The following OCEL1 variants were observed in gnomAD, a reference collection of about 807,000 sequenced individuals.
OCEL1 encodes occludin/ELL domain-containing protein 1.
A neutral mutation model predicts 29.4 loss-of-function variants in OCEL1; 24 were observed. The ratio of observed to expected loss-of-function variants is 0.82; its 90% CI spans 0.59 to 1.15. OCEL1 has a LOEUF of 1.15. Ranked by LOEUF, OCEL1 falls within the 50% of genes most tolerant of loss-of-function variation. The pLI, the probability that OCEL1 is intolerant of heterozygous loss-of-function variation, is 0.00. For synonymous variants in OCEL1, 172 were observed against 145.3 expected (o/e 1.18, Z -1.32); for missense variants, 402 against 352.5 (o/e 1.14, Z -1.13).
chr19:17,226,785 G>T lies in OCEL1; in HGVS notation c.162G>T (p.Arg54=). Residue 54 remains arginine, a synonymous_variant, in exon 2 of 6, where the codon CGG becomes CGT. Coordinates refer to ENST00000215061, the MANE Select transcript of OCEL1 (RefSeq NM_024578.3). ...GGAAACCCCTGAGCTGCTTCTCCCG[G>T]AGGCCGATGCCCACCCGGGAGCCCC... is the stretch of plus-strand genomic sequence containing the variant. The part of the protein sequence containing the change: ...SARKPLSCFS[R]RPMPTREPPK... 6.3e-7 allele frequency: 1 copy of T among 1,595,376 alleles called. No individual in the cohort carries two copies.
chr19:17,226,278 A>AT lies in OCEL1; in HGVS notation c.31_32insT (p.Thr11IlefsTer107), dbSNP rs2073357879. On this transcript the variant is annotated frameshift_variant, in exon 1 of 6. Transcript: ENST00000215061. LOFTEE classifies it high-confidence loss of function. ...CAACCCGGACGGAAGTGCCTCTCCG[A>AT]CAGCAGATCCAGGCTCGGAGCTCCA... 4.3e-6 allele frequency: 7 copies of AT among 1,612,326 alleles called. No individual in the cohort carries two copies. The highest frequency in any genetic ancestry group is 5.1e-6 in the Non-Finnish European group (6 of 1,179,590).
At chr19:17,226,382 G>A in intron 1 of OCEL1, 66 bp downstream of exon 1, 3 of 1,559,240 alleles carry the variant, frequency 1.9e-6, no homozygotes, top group Non-Finnish European at 2.6e-6. Context: ...GGAGCTCCTC[G>A]GGCGCGGTCG....
intron 1 of OCEL1, 62 bp from the exon 2 acceptor site, chr19:17,226,631 G>T (rs2073362354): frequency 3.6e-6 from 5 of 1,406,814 alleles, no homozygotes; most frequent in Non-Finnish European, 4.6e-6. Context: ...CGGCCGAGCT[G>T]CCCGCGCGTC....
intron 1 of OCEL1, 21 bp downstream of exon 1, chr19:17,226,337 G>C (rs1287107805): frequency 6.2e-7 from 1 of 1,607,534 alleles, no homozygotes. Flanking sequence ...GCGGTAGCGA[G>C]CCGGACGGCC....
rs1424746453 is a variant in OCEL1, at chr19:17,228,933, T to TG, written c.*9dup. 2 of 1,611,190 alleles carry TG rather than the reference T, an allele frequency of 1.2e-6. No homozygotes were observed. The highest frequency in any genetic ancestry group is 1.7e-6 in the Non-Finnish European group (2 of 1,178,980). ...GGCTCCGTGTACTTCTAAGTGCCCC[T>TG]GCAGATGGGCAGAGGGATGCATGGG... On this transcript the variant is annotated 3_prime_UTR_variant, in exon 6 of 6. Coordinates refer to ENST00000215061, the MANE Select transcript of OCEL1 (RefSeq NM_024578.3).
Position 17,227,878 on chromosome 19 carries a change from G to T in OCEL1, c.491G>T (p.Arg164Leu), listed in dbSNP as rs374530270. The change falls in exon 4 of 6, where the codon CGC becomes CTC. Residue 164 changes from arginine (R) to leucine (L), a missense_variant. Physicochemically the swap from Arg to Leu is moderately radical, Grantham distance 102. Coordinates refer to ENST00000215061, the MANE Select transcript of OCEL1 (RefSeq NM_024578.3). ...PPVSSERERS[R>L]YVAVFQDQYG... The stretch of plus-strand genomic sequence containing the variant: ...GTGAGCAGTGAGAGGGAACGGAGCC[G>T]CTATGTCGCAGTGTTCCAGGACCAG... 5.0e-6 allele frequency: 8 copies of T among 1,613,796 alleles called. No individual in the cohort carries two copies. The highest frequency in any genetic ancestry group is 1.7e-4 in the Middle Eastern group (1 of 5,928).
At position 17,226,795 on chromosome 19, in the gene OCEL1, C is replaced by G. The variant is rs754461952; in HGVS notation, c.172C>G (p.Pro58Ala). 1 of 1,594,432 alleles carries G rather than the reference C, an allele frequency of 6.3e-7. No individual in the cohort carries two copies. The highest frequency in any genetic ancestry group is 8.5e-7 in the Non-Finnish European group (1 of 1,173,608). Reference sequence around the variant, plus strand: ...GAGCTGCTTCTCCCGGAGGCCGATGCCCACCCGGGAGCCCCCAAAGACTCG... The same window carrying G: ...GAGCTGCTTCTCCCGGAGGCCGATGGCCACCCGGGAGCCCCCAAAGACTCG... ...PLSCFSRRPM[P>A]TREPPKTRGS... is the part of the protein sequence containing the mutation. The change falls in exon 2 of 6, where the codon CCC becomes GCC. Residue 58 changes from proline to alanine, a missense_variant. Coordinates refer to ENST00000215061, the MANE Select transcript of OCEL1 (RefSeq NM_024578.3).
intron 5 of OCEL1, 116 bp downstream of exon 5, chr19:17,228,425 AC>A: frequency 9.2e-7 from 1 of 1,091,190 alleles, no homozygotes; most frequent in Non-Finnish European, 1.3e-6. Flanking sequence ...TCGCTCTGTC[AC>A]CCAGGCGGGA....
Position 17,229,071 on chromosome 19 carries a change from C to A in OCEL1, c.*146C>A. The A allele has an allele frequency of 1.2e-6, 1 of 862,814 alleles. No homozygotes were observed. The highest frequency in any genetic ancestry group is 2.9e-5 in the East Asian group (1 of 33,934). The allele number at this position is 862,814 out of a possible 1,614,324, so 53.4% of individuals were successfully genotyped here. A position where few individuals can be genotyped will look rare whatever the true frequency, so the allele number is the denominator to read the frequency against. ...ATGCCTCTTCAGTTTGGACTCAGCT[C>A]TGACAGCCCCTCCTCCAGGAAGGCC... On this transcript the variant is annotated 3_prime_UTR_variant, in exon 6 of 6. Coordinates refer to ENST00000215061, the MANE Select transcript of OCEL1 (RefSeq NM_024578.3).
Position 17,228,565 on chromosome 19 carries a change from G to A in OCEL1, c.673-238G>A, listed in dbSNP as rs771830106. 1.2e-4 allele frequency: 73 copies of A among 590,992 alleles called. No individual in the cohort carries two copies. In the African/African-American group the frequency reaches 1.3e-3, roughly 10 times the overall value. 36.6% of individuals were successfully genotyped at this position (590,992 alleles called of 1,614,324 possible). A position where few individuals can be genotyped will look rare whatever the true frequency, so the allele number is the denominator to read the frequency against. On this transcript the variant is annotated intron_variant, in intron 5 of 5. Transcript: ENST00000215061. ...ATTTTTGTATTTGTAGTAGAGATGG[G>A]GTTTCACCATGTTGGCCAGGCTGGT...
In OCEL1 at chr19:17,229,013, C is replaced by T; in HGVS notation, c.*88C>T. On this transcript the variant is annotated 3_prime_UTR_variant, in exon 6 of 6. Coordinates refer to ENST00000215061, the MANE Select transcript of OCEL1 (RefSeq NM_024578.3). ...TCTCAGCTTTTCCTCTTGCAGCTCC[C>T]CCTACCAGGGGTCGCTTTCTCCTGG... is the stretch of plus-strand genomic sequence containing the variant. The T allele has an allele frequency of 6.7e-7, 1 of 1,486,612 alleles. No homozygotes were observed. The highest frequency in any genetic ancestry group is 9.1e-7 in the Non-Finnish European group (1 of 1,103,070). 92.1% of individuals were successfully genotyped at this position (1,486,612 alleles called of 1,614,324 possible). A position where few individuals can be genotyped will look rare whatever the true frequency, so the allele number is the denominator to read the frequency against.
At chr19:17,228,403 T>C (rs754636094) in intron 5 of OCEL1, 94 bp downstream of exon 5, 2 of 1,321,268 alleles carry the variant, frequency 1.5e-6, no homozygotes, top group Non-Finnish European at 2.1e-6. Flanking sequence ...TTCTTTCTTT[T>C]GAGACAGAAT....
At position 17,226,890 on chromosome 19, in the gene OCEL1, G is replaced by A. The variant is rs1397787564; in HGVS notation, c.246+21G>A. ...CCCCGGTGAGCCTGACCGGGAGGGG[G>A]TCCCCAGGCCGGGCCTCTAGGCAAA... On this transcript the variant is annotated intron_variant, in intron 2 of 5. Transcript: ENST00000215061. 3.3e-6 allele frequency: 5 copies of A among 1,513,444 alleles called. No individual in the cohort carries two copies. In the East Asian group the frequency reaches 1.2e-4, roughly 36 times the overall value. The allele number at this position is 1,513,444 out of a possible 1,614,324, so 93.8% of individuals were successfully genotyped here.
At chr19:17,226,901 G>C (rs901447734) in intron 2 of OCEL1, 32 bp downstream of exon 2, 1 of 1,511,310 alleles carries the variant, frequency 6.6e-7, no homozygotes, top group Non-Finnish European at 8.8e-7. Flanking sequence ...TCCCCAGGCC[G>C]GGCCTCTAGG....
At chr19:17,228,592 T>C (rs1048277961) in intron 5 of OCEL1, 8 of 627,582 alleles carry the variant, frequency 1.3e-5, no homozygotes, top group Non-Finnish European at 2.1e-5. Flanking sequence ...CAGGCTGGTC[T>C]CGAACTCCTG....
chr19:17,226,738 C>G lies in OCEL1; in HGVS notation c.115C>G (p.Arg39Gly). 6.4e-7 allele frequency: 1 copy of G among 1,558,924 alleles called. No individual in the cohort carries two copies. Among genetic ancestry groups the G allele is most frequent in the East Asian group, 2.4e-5 (1 of 42,366 alleles). Residue 39 changes from arginine (R) to glycine (G), a missense_variant, in exon 2 of 6, where the codon CGC (arginine) becomes GGC (glycine). Coordinates refer to ENST00000215061, the MANE Select transcript of OCEL1 (RefSeq NM_024578.3). ...GCCGCGCGCGGGACACGACGCCCCC[C>G]GCAGGACCCGCCCATCAGCCCGGAA... Reference protein sequence around the residue: ...PPPRAGHDAPRRTRPSARKPL... With the variant: ...PPPRAGHDAPGRTRPSARKPL...
rs1407052963 is a variant in OCEL1 at position 17,228,509 on chromosome 19, GA to G, written c.672+201del. On this transcript the variant is annotated intron_variant, in intron 5 of 5. Transcript: ENST00000215061. ...CAAGCGGTTCTCCTGCCTCAGCTGG[GA>G]TCACAGGCGCCCACCACCGTGCCTG... 2.4e-5 allele frequency: 15 copies of G among 630,628 alleles called. No homozygotes were observed. In the East Asian group the frequency reaches 4.4e-4, roughly 18 times the overall value. 39.1% of individuals were successfully genotyped at this position (630,628 alleles called of 1,614,324 possible).
rs2073376297 is a variant in OCEL1 at position 17,227,884 on chromosome 19, T to C, written c.497T>C (p.Val166Ala). 6.2e-7 allele frequency: 1 copy of C among 1,613,914 alleles called. No homozygotes were observed. The highest frequency in any genetic ancestry group is 2.2e-5 in the East Asian group (1 of 44,880). The change falls in exon 4 of 6, where the codon GTC (valine) becomes GCC (alanine). Residue 166 changes from valine to alanine, a missense_variant. Physicochemically the swap from Val to Ala is moderately conservative, Grantham distance 64 (BLOSUM62 0). Coordinates refer to ENST00000215061, the MANE Select transcript of OCEL1 (RefSeq NM_024578.3). ...VSSERERSRYVAVFQDQYGEF... is the reference protein window; with the variant it reads ...VSSERERSRYAAVFQDQYGEF... Reference sequence around the variant, plus strand: ...AGTGAGAGGGAACGGAGCCGCTATGTCGCAGTGTTCCAGGACCAGTACGGA... The same window carrying C: ...AGTGAGAGGGAACGGAGCCGCTATGCCGCAGTGTTCCAGGACCAGTACGGA...
chr19:17,226,648 C>G lies in OCEL1; in HGVS notation c.70-45C>G. 4 of 1,425,242 alleles carry G rather than the reference C, an allele frequency of 2.8e-6. 1 individual carries two copies. Among genetic ancestry groups the G allele is most frequent in the Non-Finnish European group, 3.7e-6 (4 of 1,094,056 alleles). The allele number at this position is 1,425,242 out of a possible 1,614,324, so 88.3% of individuals were successfully genotyped here. A position where few individuals can be genotyped will look rare whatever the true frequency, so the allele number is the denominator to read the frequency against. ...GCCGAGCTGCCCGCGCGTCCTTTCT[C>G]CGTGCGCGTCGTCAGGCGTGTCCTC... On this transcript the variant is annotated intron_variant, in intron 1 of 5. Coordinates refer to ENST00000215061, the MANE Select transcript of OCEL1 (RefSeq NM_024578.3).
Sources: gnomAD v4.1 joint callset for allele counts on GRCh38, gnomAD v4.1.1 for gene constraint, MANE v1.5 for transcripts, NCBI Gene and HGNC (gene_info 2026-07-23, HGNC 2026-07-21) for gene names.